SCRG1: variants seen among roughly 807,000 people sequenced by gnomAD.
SCRG1 encodes the protein scrapie-responsive protein 1.
SCRG1 carries 3 observed loss-of-function variants against 7.7 expected under a neutral mutation model. The observed-to-expected ratio is 0.39, with a 90% CI of 0.18 to 1.01. The LOEUF is 1.01. Among genes scored for constraint, SCRG1 ranks in the 50% least tolerant of loss-of-function variants. The probability of loss-of-function intolerance (pLI) is 0.36; values close to 1 mark genes in which losing one functional copy is unlikely to be tolerated. For synonymous variants in SCRG1, 46 were observed against 41.2 expected (o/e 1.12, Z -0.44); for missense variants, 110 against 117.2 (o/e 0.94, Z 0.28).
the SCRG1 span, among the ~76,000 whole-genome samples, chr4:173,512,007 C>T: frequency 6.6e-6 from 1 of 152,198 alleles, no homozygotes; most frequent in Admixed American, 6.5e-5. Context: ...AAATCCTCAT[C>T]AGAACACAAG....
chr4:173,416,073 C>G, the SCRG1 span, among the ~76,000 whole-genome samples: 1 of 152,364 alleles, frequency 6.6e-6, no homozygotes, highest in African/African-American at 2.4e-5. Context: ...AGTCTCCTCT[C>G]CCGCAGTGTA....
the SCRG1 span, among the ~76,000 whole-genome samples, chr4:173,464,336 C>T: frequency 6.6e-6 from 1 of 152,090 alleles, no homozygotes; most frequent in African/African-American, 2.4e-5. Context: ...GTCCATAAAA[C>T]AGGACTAGAA....
chr4:173,487,825 G>A, the SCRG1 span, among the ~76,000 whole-genome samples: 74 of 151,976 alleles, frequency 4.9e-4, 1 homozygote, highest in African/African-American at 1.6e-3. Flanking sequence ...TATTTTGGCT[G>A]GGCATGGTGG....
the SCRG1 span, among the ~76,000 whole-genome samples, chr4:173,517,322 T>C: frequency 6.6e-6 from 1 of 152,210 alleles, no homozygotes; most frequent in East Asian, 1.9e-4. Flanking sequence ...AAAATCAAAA[T>C]AAACCACTTT....
chr4:173,510,375 G>T, the SCRG1 span, among the ~76,000 whole-genome samples: 2 of 151,814 alleles, frequency 1.3e-5, no homozygotes, highest in Non-Finnish European at 2.9e-5. This position sits in a 1 kb window ranked among gnomAD's most constrained non-coding sequence, Gnocchi z 5.7. Context: ...ACTCTGTCCG[G>T]CCAGTACTCC....
At chr4:173,430,561 G>A in the SCRG1 span, among the ~76,000 whole-genome samples, 1 of 152,114 alleles carries the variant, frequency 6.6e-6, no homozygotes, top group East Asian at 1.9e-4. Context: ...GGCCCAGGCA[G>A]GAGGATCACT....
At chr4:173,518,218 A>T in the SCRG1 span, among the ~76,000 whole-genome samples, 6 of 152,202 alleles carry the variant, frequency 3.9e-5, no homozygotes, top group Middle Eastern at 3.4e-3. Flanking sequence ...CCTGGAAATC[A>T]GCTCCGAAAC....
At chr4:173,484,490 C>CATATAATATATATTATATATTATATGT in the SCRG1 span, among the ~76,000 whole-genome samples, 643 of 38,372 alleles carry the variant, frequency 0.017, 8 homozygotes, top group South Asian at 0.032. Flanking sequence ...ATATTATATA[C>CATATAATATATATTATATATTATATGT]ATATAATATA....
the SCRG1 span, among the ~76,000 whole-genome samples, chr4:173,485,205 T>C: frequency 5.2e-5 from 6 of 116,074 alleles, no homozygotes; most frequent in Non-Finnish European, 8.3e-5. Flanking sequence ...ATATATGATA[T>C]ATTATATATA....
chr4:173,453,470 C>T, the SCRG1 span, among the ~76,000 whole-genome samples: 1 of 152,174 alleles, frequency 6.6e-6, no homozygotes, highest in Non-Finnish European at 1.5e-5. Flanking sequence ...TTACACAAAC[C>T]TAGACGGTAG....
At chr4:173,458,216 A>G in the SCRG1 span, among the ~76,000 whole-genome samples, 1 of 152,196 alleles carries the variant, frequency 6.6e-6, no homozygotes, top group African/African-American at 2.4e-5. Context: ...AGCCATCCTG[A>G]TAAGGTCTGA....
the SCRG1 span, among the ~76,000 whole-genome samples, chr4:173,484,393 CATTATAT>C: frequency 5.4e-3 from 142 of 26,538 alleles, 2 homozygotes; most frequent in African/African-American, 0.02. Context: ...ATATTTTATA[CATTATAT>C]ATTATATACA....
the SCRG1 span, among the ~76,000 whole-genome samples, chr4:173,496,903 G>A: frequency 1.3e-5 from 2 of 152,012 alleles, no homozygotes; most frequent in Non-Finnish European, 2.9e-5. Context: ...TCAGGAGATC[G>A]AGTCCATCCT....
the SCRG1 span, among the ~76,000 whole-genome samples, chr4:173,429,805 A>G: frequency 1.3e-5 from 2 of 152,224 alleles, no homozygotes; most frequent in African/African-American, 4.8e-5. Context: ...TATCCAAAGG[A>G]ATCCTGACAT....
At chr4:173,454,076 TA>T in the SCRG1 span, among the ~76,000 whole-genome samples, 3,724 of 131,302 alleles carry the variant, frequency 0.028, 141 homozygotes, top group African/African-American at 0.092. Flanking sequence ...AGACTCCGTC[TA>T]AAAAAAAAAA....
chr4:173,498,808 A>G, the SCRG1 span, among the ~76,000 whole-genome samples: 1 of 152,354 alleles, frequency 6.6e-6, no homozygotes, highest in South Asian at 2.1e-4. Flanking sequence ...ACAGAAATAA[A>G]TATAGAGAAA....
chr4:173,402,068 T>A (rs1427615726), upstream of SCRG1, among the ~76,000 whole-genome samples: 1 of 152,210 alleles, frequency 6.6e-6, no homozygotes, highest in Non-Finnish European at 1.5e-5. Context: ...TCAGACCTCT[T>A]ATCGAACCCG....
At chr4:173,419,655 G>T in the SCRG1 span, 2 of 751,676 alleles carry the variant, frequency 2.7e-6, no homozygotes, top group South Asian at 2.8e-5. Flanking sequence ...CTACTGTGAG[G>T]GTTAGACAAA....
the SCRG1 span, among the ~76,000 whole-genome samples, chr4:173,495,419 T>C: frequency 6.6e-6 from 1 of 152,226 alleles, no homozygotes; most frequent in Non-Finnish European, 1.5e-5. Flanking sequence ...AGAAAGTTGT[T>C]TGGAAACTGC....
Sources: gnomAD v4.1 joint callset for allele counts (sites outside exome capture counted in the v4.1 genomes callset) on GRCh38, gnomAD v4.1.1 for gene constraint, Gnocchi (gnomAD v3.1) non-coding constraint, MANE v1.5 for transcripts, NCBI Gene and HGNC (gene_info 2026-07-23, HGNC 2026-07-21) for gene names.